Variants in BBS9 observed in about 807,000 individuals in gnomAD.
The protein encoded by BBS9 is protein PTHB1.
A neutral mutation model predicts 117.7 loss-of-function variants in BBS9; 89 were observed. The ratio of observed to expected loss-of-function variants is 0.76; its 90% CI spans 0.64 to 0.90. The LOEUF is 0.90. Ranked by LOEUF, BBS9 falls within the 40% of genes least tolerant of loss-of-function variation. BBS9 has a pLI of 0.00. For missense variants in BBS9, 982 were observed against 1,042.2 expected, an observed-to-expected ratio of 0.94 and a Z score of 0.80; for synonymous variants, 379 against 370.9, an observed-to-expected ratio of 1.02 and a Z score of -0.25.
intron 19 of BBS9, among the ~76,000 whole-genome samples, chr7:33,398,309 T>C (rs564743252): frequency 6.6e-6 from 1 of 152,290 alleles, no homozygotes; most frequent in East Asian, 1.9e-4. Context: ...CCTATGAACT[T>C]GTTTCTCTGG....
At chr7:33,393,809 T>G (rs1042465246) in intron 19 of BBS9, among the ~76,000 whole-genome samples, 1 of 152,194 alleles carries the variant, frequency 6.6e-6, no homozygotes, top group Non-Finnish European at 1.5e-5. Flanking sequence ...CTTGGCCTAT[T>G]GTGGGTGGCA....
chr7:33,624,810 A>G (rs1194364343), intron 21 of BBS9, among the ~76,000 whole-genome samples: 1 of 152,242 alleles, frequency 6.6e-6, no homozygotes, highest in Non-Finnish European at 1.5e-5. Context: ...GGTGTAAAAT[A>G]GAATAGTCCT....
At chr7:33,326,058 G>A (rs900612284) in intron 9 of BBS9, among the ~76,000 whole-genome samples, 1 of 152,142 alleles carries the variant, frequency 6.6e-6, no homozygotes, top group Non-Finnish European at 1.5e-5. Flanking sequence ...AGCCAGGCTT[G>A]TGTCCTTCCC....
At chr7:33,266,289 C>T (rs575312484) in intron 7 of BBS9, among the ~76,000 whole-genome samples, 1 of 152,244 alleles carries the variant, frequency 6.6e-6, no homozygotes, top group East Asian at 1.9e-4. Context: ...TACCATGGAG[C>T]AATATCAAAT....
chr7:33,437,053 A>G (rs1429973696), intron 19 of BBS9, among the ~76,000 whole-genome samples: 18 of 152,206 alleles, frequency 1.2e-4, no homozygotes. Context: ...AAGGAAAAAG[A>G]AACCATCTAC....
intron 19 of BBS9, among the ~76,000 whole-genome samples, chr7:33,412,753 A>G (rs554360403): frequency 1.3e-5 from 2 of 152,320 alleles, no homozygotes; most frequent in East Asian, 3.9e-4. Context: ...TTACGCTTAT[A>G]TCATTTGAGG....
chr7:33,547,050 G>C (rs1258856209), intron 21 of BBS9, among the ~76,000 whole-genome samples: 1 of 151,976 alleles, frequency 6.6e-6, no homozygotes, highest in Non-Finnish European at 1.5e-5. Flanking sequence ...AATAATTATA[G>C]ACTCGTGGGA....
At chr7:33,230,448 A>T (rs543077444) in intron 5 of BBS9, among the ~76,000 whole-genome samples, 2 of 152,234 alleles carry the variant, frequency 1.3e-5, no homozygotes, top group African/African-American at 4.8e-5. Flanking sequence ...CTTTAGAGGT[A>T]TAAGTGTTTT....
chr7:33,526,864 C>T (rs956247154), intron 20 of BBS9, among the ~76,000 whole-genome samples: 2 of 151,202 alleles, frequency 1.3e-5, no homozygotes, highest in Admixed American at 1.3e-4. Context: ...CTGTTTTTTC[C>T]CCATCTTTGT....
At chr7:33,362,383 A>G (rs1447919870) in intron 16 of BBS9, among the ~76,000 whole-genome samples, 1 of 151,972 alleles carries the variant, frequency 6.6e-6, no homozygotes, top group Non-Finnish European at 1.5e-5. Flanking sequence ...TTTTGATAGA[A>G]GTTTTCTAGT....
intron 9 of BBS9, among the ~76,000 whole-genome samples, chr7:33,307,936 A>G (rs1159960157): frequency 1.3e-5 from 2 of 152,314 alleles, no homozygotes; most frequent in East Asian, 3.9e-4. Flanking sequence ...CCAAAAGTGC[A>G]GTTCTAACAC....
At chr7:33,402,175 T>C (rs1829025250) in intron 19 of BBS9, among the ~76,000 whole-genome samples, 1 of 152,180 alleles carries the variant, frequency 6.6e-6, no homozygotes, top group African/African-American at 2.4e-5. Flanking sequence ...TTGTTTGTAT[T>C]TGTCTTATTC....
At chr7:33,361,425 A>G (rs956334699) in intron 16 of BBS9, among the ~76,000 whole-genome samples, 3 of 152,078 alleles carry the variant, frequency 2.0e-5, no homozygotes, top group African/African-American at 4.8e-5. Flanking sequence ...GTACTTCTCT[A>G]TTTCTCTTAG....
intron 21 of BBS9, among the ~76,000 whole-genome samples, chr7:33,555,516 T>C (rs545796426): frequency 2.0e-5 from 3 of 152,240 alleles, no homozygotes; most frequent in Non-Finnish European, 4.4e-5. Flanking sequence ...AGGCTCAGAC[T>C]TTGGAAGCAG....
At chr7:33,574,194 C>CT (rs943791667) in intron 21 of BBS9, among the ~76,000 whole-genome samples, 1 of 152,034 alleles carries the variant, frequency 6.6e-6, no homozygotes, top group Non-Finnish European at 1.5e-5. Context: ...GTGGGAAAAA[C>CT]TTTTTTTGCA....
At chr7:33,617,023 C>CA (rs1865172956) in intron 21 of BBS9, among the ~76,000 whole-genome samples, 1 of 151,552 alleles carries the variant, frequency 6.6e-6, no homozygotes, top group South Asian at 2.1e-4. Context: ...TTCAGTGTTG[C>CA]AAAAAAGACA....
chr7:33,588,159 T>G (rs1563409081), intron 21 of BBS9, among the ~76,000 whole-genome samples: 1 of 152,160 alleles, frequency 6.6e-6, no homozygotes, highest in South Asian at 2.1e-4. Context: ...GTGGACATTT[T>G]GTTGTTGTAC....
chr7:33,301,616 G>A (rs567147170), intron 9 of BBS9, among the ~76,000 whole-genome samples: 1 of 151,988 alleles, frequency 6.6e-6, no homozygotes, highest in African/African-American at 2.4e-5. Context: ...CTTTTTTATG[G>A]CTGAATAATA....
chr7:33,296,165 T>C (rs1805233782), intron 9 of BBS9, among the ~76,000 whole-genome samples: 1 of 152,110 alleles, frequency 6.6e-6, no homozygotes, highest in Admixed American at 6.6e-5. Flanking sequence ...AAACCCAAAA[T>C]AGATTACTTA....
Sources: gnomAD v4.1 joint callset for allele counts (sites outside exome capture counted in the v4.1 genomes callset) on GRCh38, gnomAD v4.1.1 for gene constraint, MANE v1.5 for transcripts, NCBI Gene and HGNC (gene_info 2026-07-23, HGNC 2026-07-21) for gene names.